Variants in EHBP1 observed in about 807,000 individuals in gnomAD.
EHBP1 encodes the protein EH domain-binding protein 1.
EHBP1 carries 55 observed loss-of-function variants against 144.0 expected under a neutral mutation model. The observed-to-expected ratio is 0.38, with a 90% confidence interval of 0.31 to 0.48. The LOEUF is 0.48. Ranked by LOEUF, EHBP1 falls within the 20% of genes least tolerant of loss-of-function variation. The pLI is 0.98. For missense variants in EHBP1, 1,200 were observed against 1,364.2 expected (o/e 0.88, Z 1.90); for synonymous variants, 469 against 472.7 (o/e 0.99, Z 0.10).
intron 19 of EHBP1, among the ~76,000 whole-genome samples, chr2:63,027,346 A>G (rs1276999024): frequency 6.6e-6 from 1 of 152,224 alleles, no homozygotes; most frequent in East Asian, 1.9e-4. Flanking sequence ...CAAGTTCGTC[A>G]TGAGTGTACT....
chr2:62,786,040 T>C (rs1296874366), intron 5 of EHBP1, among the ~76,000 whole-genome samples: 2 of 152,196 alleles, frequency 1.3e-5, no homozygotes, highest in African/African-American at 4.8e-5. Flanking sequence ...AACATTGTTA[T>C]AAGCAGTGCA....
intron 7 of EHBP1, among the ~76,000 whole-genome samples, chr2:62,852,269 G>T (rs1372015275): frequency 6.6e-6 from 1 of 151,984 alleles, no homozygotes; most frequent in African/African-American, 2.4e-5. Context: ...CCTATTAATT[G>T]CACATATAGG....
intron 10 of EHBP1, among the ~76,000 whole-genome samples, chr2:62,906,485 G>A (rs958986039): frequency 6.6e-6 from 1 of 152,160 alleles, no homozygotes; most frequent in Admixed American, 6.5e-5. Context: ...CAGCTGGGAT[G>A]CATTGGATGT....
intron 19 of EHBP1, among the ~76,000 whole-genome samples, chr2:63,009,605 G>T (rs894845459): frequency 1.3e-5 from 2 of 151,620 alleles, no homozygotes; most frequent in East Asian, 3.9e-4. Context: ...AGCCTTATGT[G>T]ATTCATTTAC....
At chr2:62,680,654 A>C (rs2033480316) in intron 1 of EHBP1, among the ~76,000 whole-genome samples, 2 of 128,398 alleles carry the variant, frequency 1.6e-5, no homozygotes, top group African/African-American at 6.3e-5. Context: ...AATAGTCAGA[A>C]ATATGGGTTC....
At chr2:62,956,956 G>A (rs2057734631) in intron 14 of EHBP1, among the ~76,000 whole-genome samples, 1 of 152,140 alleles carries the variant, frequency 6.6e-6, no homozygotes, top group Admixed American at 6.5e-5. Context: ...CCAAGAACAA[G>A]TGTCCCAATG....
At chr2:62,957,662 T>TTTTTTC in intron 14 of EHBP1, among the ~76,000 whole-genome samples, 1 of 144,518 alleles carries the variant, frequency 6.9e-6, no homozygotes, top group Non-Finnish European at 1.5e-5. Context: ...TTTTTTTTTT[T>TTTTTTC]TGAGATGGAG....
At chr2:62,778,148 C>T (rs986337579) in intron 5 of EHBP1, among the ~76,000 whole-genome samples, 16 of 152,180 alleles carry the variant, frequency 1.1e-4, no homozygotes, top group East Asian at 3.8e-4. Flanking sequence ...TTCGGCTCCT[C>T]CAGGGCTCCA....
At chr2:62,847,873 A>T (rs1321407930) in intron 7 of EHBP1, among the ~76,000 whole-genome samples, 3 of 152,190 alleles carry the variant, frequency 2.0e-5, no homozygotes, top group Non-Finnish European at 4.4e-5. Flanking sequence ...AAGATCTATC[A>T]CTAGCCAAAT....
At chr2:63,034,824 T>C (rs1417712014) in intron 19 of EHBP1, among the ~76,000 whole-genome samples, 1 of 152,046 alleles carries the variant, frequency 6.6e-6, no homozygotes, top group Non-Finnish European at 1.5e-5. Context: ...GTTCTTTTTT[T>C]CCTCATGCAT....
chr2:62,693,331 G>A, intron 1 of EHBP1, among the ~76,000 whole-genome samples: 1 of 152,064 alleles, frequency 6.6e-6, no homozygotes, highest in East Asian at 1.9e-4. Context: ...TGGGAGTGCA[G>A]AGATCTCTCC....
chr2:62,914,483 T>A (rs548365949), intron 10 of EHBP1, among the ~76,000 whole-genome samples: 2 of 152,234 alleles, frequency 1.3e-5, no homozygotes, highest in Non-Finnish European at 1.5e-5. Flanking sequence ...TAAACTGAAT[T>A]GACTTGTACT....
intron 5 of EHBP1, among the ~76,000 whole-genome samples, chr2:62,791,461 T>C (rs1157319192): frequency 3.3e-5 from 5 of 152,080 alleles, no homozygotes; most frequent in African/African-American, 1.2e-4. Context: ...AGCTACATTT[T>C]AAAATCTAAA....
chr2:63,043,687 G>A (rs1199830471), intron 21 of EHBP1, among the ~76,000 whole-genome samples: 2 of 151,920 alleles, frequency 1.3e-5, no homozygotes, highest in African/African-American at 4.8e-5. Context: ...TTTGGAGGGG[G>A]TCGGGGGGGA....
intron 10 of EHBP1, among the ~76,000 whole-genome samples, chr2:62,905,809 G>A (rs188489025): frequency 6.8e-4 from 103 of 152,164 alleles, no homozygotes; most frequent in Non-Finnish European, 1.3e-3. Context: ...GGGCGACAGG[G>A]TGAGACTCCA....
chr2:62,870,732 A>AT (rs1423165703), intron 9 of EHBP1, among the ~76,000 whole-genome samples: 7 of 147,750 alleles, frequency 4.7e-5, no homozygotes, highest in African/African-American at 1.3e-4. Context: ...AAAAAAAAAA[A>AT]AAATACATAT....
At chr2:63,043,261 T>C (rs2061752289) in intron 21 of EHBP1, among the ~76,000 whole-genome samples, 1 of 152,198 alleles carries the variant, frequency 6.6e-6, no homozygotes, top group African/African-American at 2.4e-5. Flanking sequence ...AAGAATAAAA[T>C]TGTGATATAT....
chr2:62,837,674 G>A (rs1400236889), intron 7 of EHBP1, among the ~76,000 whole-genome samples: 3 of 147,650 alleles, frequency 2.0e-5, no homozygotes, highest in East Asian at 2.1e-4. Flanking sequence ...AACAAAAAAA[G>A]GCAGGGGTTG....
chr2:62,917,626 C>A (rs563610781), intron 10 of EHBP1, among the ~76,000 whole-genome samples: 1 of 152,216 alleles, frequency 6.6e-6, no homozygotes, highest in East Asian at 1.9e-4. Context: ...TCCCTCATGG[C>A]AGTTTATATA....
Sources: gnomAD v4.1 joint callset for allele counts (sites outside exome capture counted in the v4.1 genomes callset) on GRCh38, gnomAD v4.1.1 for gene constraint, MANE v1.5 for transcripts, NCBI Gene and HGNC (gene_info 2026-07-23, HGNC 2026-07-21) for gene names.